SUMF1: variants seen among roughly 807,000 people sequenced by gnomAD.
The protein encoded by SUMF1 is sulfatase modifying factor 1, also known as formylglycine-generating enzyme.
Under a neutral mutation model 47.6 loss-of-function variants are expected in SUMF1, and 48 were observed. The observed-to-expected ratio is 1.01, with a 90% CI of 0.80 to 1.28. SUMF1 has a LOEUF of 1.28. Ranked by LOEUF, SUMF1 falls within the 50% of genes most tolerant of loss-of-function variation. The probability of loss-of-function intolerance (pLI) is 0.00; values close to 1 mark genes in which losing one functional copy is unlikely to be tolerated. For missense variants in SUMF1, 571 were observed against 485.4 expected (o/e 1.18, Z -1.66); for synonymous variants, 230 against 192.1 (o/e 1.20, Z -1.63).
intron 8 of SUMF1, among the ~76,000 whole-genome samples, chr3:4,186,799 T>C (rs1380768776): frequency 6.6e-6 from 1 of 152,172 alleles, no homozygotes; most frequent in Non-Finnish European, 1.5e-5. Flanking sequence ...CCCTTTTGTG[T>C]GATGCCAGAT....
intron 9 of SUMF1, among the ~76,000 whole-genome samples, chr3:4,037,682 A>G (rs1461979667): frequency 1.3e-5 from 2 of 152,120 alleles, no homozygotes; most frequent in Non-Finnish European, 2.9e-5. Flanking sequence ...CTGGTTAAGA[A>G]CCCTTGTTGG....
At chr3:4,069,749 T>A (rs907257489) in intron 8 of SUMF1, among the ~76,000 whole-genome samples, 2 of 152,176 alleles carry the variant, frequency 1.3e-5, no homozygotes, top group African/African-American at 4.8e-5. Flanking sequence ...CTATATATCA[T>A]GACTTACTTT....
At chr3:4,416,654 G>A (rs922372837) in intron 6 of SUMF1, among the ~76,000 whole-genome samples, 4 of 152,222 alleles carry the variant, frequency 2.6e-5, no homozygotes, top group African/African-American at 9.6e-5. Flanking sequence ...GCCTCAGAAT[G>A]CTCACCTGGA....
At position 4,234,489 on chromosome 3, in the gene SUMF1, T is replaced by C. The variant is rs149020965; in HGVS notation, c.1014+141841A>G. On this transcript the variant is annotated intron_variant and NMD_transcript_variant, in intron 8 of 12. Transcript: ENST00000448413. Reference sequence around the variant, plus strand: ...ATGCTGGATGGTATCTTTTCGTTTCTCCTGCTCATTCACGTATCCATTCAA... The same window carrying C: ...ATGCTGGATGGTATCTTTTCGTTTCCCCTGCTCATTCACGTATCCATTCAA... 2.7e-3 allele frequency among the ~76,000 whole-genome samples: 405 copies of C among 152,274 alleles called. 4 individuals are homozygous for C. The highest frequency in any genetic ancestry group is 9.5e-3 in the African/African-American group (394 of 41,578).
intron 8 of SUMF1, among the ~76,000 whole-genome samples, chr3:4,151,543 A>ATG (rs1491472314): frequency 6.0e-5 from 7 of 116,710 alleles, no homozygotes; most frequent in African/African-American, 2.2e-4. Flanking sequence ...GTGTATATAT[A>ATG]TGTGTGTGTA....
At chr3:4,302,607 T>C (rs980316258) in intron 8 of SUMF1, among the ~76,000 whole-genome samples, 5 of 152,174 alleles carry the variant, frequency 3.3e-5, no homozygotes, top group African/African-American at 1.2e-4. Context: ...CTTCCCATCA[T>C]GGCCTGAACC....
At chr3:4,222,385 A>T (rs1457510205) in intron 8 of SUMF1, among the ~76,000 whole-genome samples, 1 of 151,956 alleles carries the variant, frequency 6.6e-6, no homozygotes, top group Non-Finnish European at 1.5e-5. Context: ...GGTTCTCATC[A>T]TTATTTTTCT....
At chr3:4,292,484 A>T (rs987042145) in intron 8 of SUMF1, among the ~76,000 whole-genome samples, 1 of 152,230 alleles carries the variant, frequency 6.6e-6, no homozygotes. Context: ...AGGCAGCTAT[A>T]AGATGAGGCA....
chr3:4,391,743 A>T (rs999175390), intron 7 of SUMF1, among the ~76,000 whole-genome samples: 2 of 152,070 alleles, frequency 1.3e-5, no homozygotes, highest in Admixed American at 1.3e-4. Context: ...ACAGCCTCCA[A>T]AAGTATTGGG....
Position 4,068,029 on chromosome 3 carries a change from C to T in SUMF1, c.1191+540G>A, listed in dbSNP as rs711678. 8.5e-3 allele frequency among the ~76,000 whole-genome samples: 1,288 copies of T among 152,284 alleles called. 6 individuals carry two copies. The highest frequency in any genetic ancestry group is 0.014 in the Non-Finnish European group (924 of 68,026). Reference sequence around the variant, plus strand: ...GAAGCTGAGGTTAAAATCTTCCATTCTAAAACTTGTGTTCTTCCCTAGGCC... The same window carrying T: ...GAAGCTGAGGTTAAAATCTTCCATTTTAAAACTTGTGTTCTTCCCTAGGCC... On this transcript the variant is annotated intron_variant and NMD_transcript_variant, in intron 9 of 12. Transcript: ENST00000448413.
intron 8 of SUMF1, among the ~76,000 whole-genome samples, chr3:4,351,291 G>A (rs1185338116): frequency 1.3e-5 from 2 of 152,204 alleles, no homozygotes; most frequent in Non-Finnish European, 2.9e-5. Context: ...TGAGTTGGAA[G>A]CTGCCCTGAA....
intron 8 of SUMF1, among the ~76,000 whole-genome samples, chr3:4,352,725 T>C (rs923825889): frequency 1.6e-4 from 20 of 127,996 alleles, no homozygotes; most frequent in Admixed American, 9.6e-4. Flanking sequence ...CCATTATTGC[T>C]GCGTGTAAAA....
At chr3:4,236,950 AC>A (rs1575005858) in intron 8 of SUMF1, among the ~76,000 whole-genome samples, 1 of 152,118 alleles carries the variant, frequency 6.6e-6, no homozygotes, top group Non-Finnish European at 1.5e-5. Context: ...CTGTCTTCAT[AC>A]TTTTCCCTTT....
At chr3:4,384,559 T>C (rs1029169716) in intron 7 of SUMF1, among the ~76,000 whole-genome samples, 3 of 152,324 alleles carry the variant, frequency 2.0e-5, no homozygotes, top group Admixed American at 6.5e-5. Context: ...AATGTTATAT[T>C]AATATAAGTG....
intron 7 of SUMF1, among the ~76,000 whole-genome samples, chr3:4,392,272 T>A (rs200234582): frequency 2.0e-5 from 3 of 152,202 alleles, no homozygotes; most frequent in East Asian, 3.8e-4. Flanking sequence ...GTTCTTTTTT[T>A]AAAATTTCTA....
chr3:4,422,492 TA>T lies in SUMF1; in HGVS notation c.520-2347del, dbSNP rs776813048. Among the ~76,000 whole-genome samples, 519 of 143,502 alleles carry T rather than the reference TA, an allele frequency of 3.6e-3. 1 individual carries two copies. Among genetic ancestry groups the T allele is most frequent in the African/African-American group, 5.3e-3 (208 of 39,506 alleles). 94.1% of individuals were successfully genotyped at this position (143,502 alleles called of 152,430 possible). A position where few individuals can be genotyped will look rare whatever the true frequency, so the allele number is the denominator to read the frequency against. ...TTAAAATATTTCATCATTAGTGATT[TA>T]AAAAAAAAAAAAAACATGATTTGTT... On this transcript the variant is annotated intron_variant, in intron 3 of 8. Transcript: ENST00000272902.
intron 8 of SUMF1, among the ~76,000 whole-genome samples, chr3:4,128,975 C>A (rs1036684217): frequency 2.6e-5 from 4 of 152,052 alleles, no homozygotes; most frequent in Non-Finnish European, 5.9e-5. Flanking sequence ...TGCCTGATCT[C>A]CCTTGGTTTA....
chr3:4,157,554 A>T (rs879680011), intron 8 of SUMF1, among the ~76,000 whole-genome samples: 3 of 151,514 alleles, frequency 2.0e-5, no homozygotes, highest in Non-Finnish European at 4.4e-5. Context: ...AGAATCACAT[A>T]TCACTGGAAG....
intron 8 of SUMF1, among the ~76,000 whole-genome samples, chr3:4,077,329 T>C (rs964816057): frequency 6.6e-6 from 1 of 152,122 alleles, no homozygotes; most frequent in Admixed American, 6.6e-5. Context: ...GGATTATAAA[T>C]CATGCTACTA....
Sources: allele counts gnomAD v4.1 joint callset (sites outside exome capture counted in the v4.1 genomes callset), GRCh38; gene constraint gnomAD v4.1.1; transcripts MANE v1.5; gene names NCBI Gene and HGNC (gene_info 2026-07-23, HGNC 2026-07-21).